The following SYNM variants were observed in gnomAD, a reference collection of about 807,000 sequenced individuals.
The protein encoded by SYNM is synemin, also known as desmuslin.
SYNM carries 95 observed loss-of-function variants against 104.0 expected under a neutral mutation model. The ratio of observed to expected loss-of-function variants is 0.91; its 90% confidence interval spans 0.77 to 1.08. The LOEUF (loss-of-function observed/expected upper bound fraction) is 1.08. Among genes scored for constraint, SYNM ranks in the 50% least tolerant of loss-of-function variants. The pLI, the probability that SYNM is intolerant of heterozygous loss-of-function variation, is 0.00. For missense variants in SYNM, 2,150 were observed against 2,052.2 expected (o/e 1.05, Z -0.92); for synonymous variants, 918 against 869.0 (o/e 1.06, Z -0.99).
At position 99,132,321 on chromosome 15, in the gene SYNM, A is replaced by T. The variant is rs782085231; in HGVS notation, c.3961A>T (p.Thr1321Ser). 5.6e-6 allele frequency: 9 copies of T among 1,612,778 alleles called. No individual in the cohort carries two copies. The highest frequency in any genetic ancestry group is 7.6e-6 in the Non-Finnish European group (9 of 1,178,860). The change falls in exon 4 of 4, where the codon ACC becomes TCC. Residue 1321 changes from threonine (T) to serine (S), a missense_variant. Coordinates refer to ENST00000336292, the MANE Select transcript of SYNM (RefSeq NM_145728.3). ...ISIGPQRHQT[T>S]QQIVYHGLVP... The stretch of plus-strand genomic sequence containing the variant: ...CATTGGGCCTCAGAGGCATCAGACC[A>T]CCCAGCAGATAGTTTACCATGGGCT...
Position 99,113,707 on chromosome 15 carries a change from G to A in SYNM, c.927G>A (p.Ala309=), listed in dbSNP as rs782394121. The A allele has an allele frequency of 1.4e-5, 22 of 1,613,296 alleles. No homozygotes were observed. The highest frequency in any genetic ancestry group is 1.6e-4 in the Middle Eastern group (1 of 6,076). ...AGACCGGCCTCAGTCTGGAGGTGGC[G>A]ACCTACCGGTAAGGAGACTGTGCTG... The part of the protein sequence containing the change: ...QVKTGLSLEV[A]TYRALLEGES... Residue 309 remains alanine, a synonymous_variant, in exon 2 of 4, where the codon GCG becomes GCA. Transcript: ENST00000336292.
chr15:99,105,217 G>A lies in SYNM; in HGVS notation c.18G>A (p.Leu6=). Reference sequence around the variant, plus strand: ...CCGGCAAGATGCTGTCCTGGCGGCTGCAGACGGGCCCCGAGAAGGCCGAGC... The same window carrying A: ...CCGGCAAGATGCTGTCCTGGCGGCTACAGACGGGCCCCGAGAAGGCCGAGC... MLSWR[L]QTGPEKAELQ... is the part of the protein sequence containing the mutation. Residue 6 remains leucine, a synonymous_variant, in exon 1 of 4, where the codon CTG becomes CTA. Coordinates refer to ENST00000336292, the MANE Select transcript of SYNM (RefSeq NM_145728.3). 1 of 1,573,556 alleles carries A rather than the reference G, an allele frequency of 6.4e-7. No homozygotes were observed. The highest frequency in any genetic ancestry group is 8.6e-7 in the Non-Finnish European group (1 of 1,161,536).
At chr15:99,108,043 C>T (rs111881700) in intron 1 of SYNM, among the ~76,000 whole-genome samples, 2 of 150,906 alleles carry the variant, frequency 1.3e-5, no homozygotes, top group African/African-American at 4.9e-5. Context: ...TGGCTGATCT[C>T]GGCACACCGC....
At chr15:99,123,917 A>C (rs144019044) in intron 2 of SYNM, among the ~76,000 whole-genome samples, 435 of 152,372 alleles carry the variant, frequency 2.9e-3, no homozygotes, top group African/African-American at 9.0e-3. Flanking sequence ...CCTGCTCAGG[A>C]CGCCGGGTGG....
At chr15:99,114,725 CT>C (rs1180360931) in intron 2 of SYNM, among the ~76,000 whole-genome samples, 1 of 151,986 alleles carries the variant, frequency 6.6e-6, no homozygotes, top group Non-Finnish European at 1.5e-5. Context: ...TCCAGTCCCC[CT>C]GGGTGTGGCC....
intron 1 of SYNM, among the ~76,000 whole-genome samples, chr15:99,110,771 A>G (rs1248333946): frequency 1.3e-5 from 2 of 152,212 alleles, no homozygotes; most frequent in Non-Finnish European, 2.9e-5. Context: ...AGTTCTCTAA[A>G]TAGCAAAAAG....
intron 1 of SYNM, 52 bp from the exon 2 acceptor site, chr15:99,113,539 G>A (rs1324684480): frequency 3.1e-6 from 5 of 1,605,924 alleles, no homozygotes; most frequent in South Asian, 2.2e-5. Flanking sequence ...CCTTCAGTTC[G>A]ACCCAGTAAA....
intron 2 of SYNM, among the ~76,000 whole-genome samples, chr15:99,124,005 A>G (rs1312104726): frequency 1.3e-5 from 2 of 152,234 alleles, no homozygotes; most frequent in Non-Finnish European, 1.5e-5. Flanking sequence ...GGGCTCCTTA[A>G]TGAGGCCAGG....
At chr15:99,126,369 T>A (rs1156933244) in intron 2 of SYNM, among the ~76,000 whole-genome samples, 1 of 152,210 alleles carries the variant, frequency 6.6e-6, no homozygotes, top group African/African-American at 2.4e-5. Flanking sequence ...GCCCCCTTGC[T>A]CCTGCTCCTC....
At position 99,130,730 on chromosome 15, in the gene SYNM, T is replaced by C; in HGVS notation, c.2370T>C (p.Tyr790=). 4 of 1,613,560 alleles carry C rather than the reference T, an allele frequency of 2.5e-6. No individual in the cohort carries two copies. The highest frequency in any genetic ancestry group is 1.3e-5 in the African/African-American group (1 of 74,928). ...PWGLVKEEEG[Y]GESDVTFSVN... Reference sequence around the variant, plus strand: ...GGTTGGTTAAGGAGGAGGAAGGTTATGGAGAAAGCGATGTCACATTCTCAG... The same window carrying C: ...GGTTGGTTAAGGAGGAGGAAGGTTACGGAGAAAGCGATGTCACATTCTCAG... Residue 790 remains tyrosine, a synonymous_variant, in exon 4 of 4, where the codon TAT becomes TAC. Coordinates refer to ENST00000336292, the MANE Select transcript of SYNM (RefSeq NM_145728.3).
In SYNM at chr15:99,130,228, G is replaced by A; in HGVS notation, c.1868G>A (p.Ser623Asn). Reference protein sequence around the residue: ...ARELRFRLGTSDATGSLQGDS... With the variant: ...ARELRFRLGTNDATGSLQGDS... ...GAGCTACGGTTCAGGTTGGGCACCA[G>A]TGATGCCACTGGTTCTCTGCAAGGC... The change falls in exon 4 of 4, where the codon AGT becomes AAT. Residue 623 changes from serine (S) to asparagine (N), a missense_variant. Transcript: ENST00000336292. The A allele has an allele frequency of 6.2e-7, 1 of 1,614,016 alleles. No homozygotes were observed. Among genetic ancestry groups the A allele is most frequent in the Non-Finnish European group, 8.5e-7 (1 of 1,179,906 alleles).
chr15:99,130,413 G>T lies in SYNM; in HGVS notation c.2053G>T (p.Glu685Ter). 1.2e-6 allele frequency: 2 copies of T among 1,613,820 alleles called. No individual in the cohort carries two copies. Among genetic ancestry groups the T allele is most frequent in the Non-Finnish European group, 1.7e-6 (2 of 1,179,860 alleles). The change falls in exon 4 of 4, where the codon GAA (glutamate) becomes TAA (stop). Residue 685 changes from glutamate to a stop codon, truncating the protein, a stop_gained. Transcript: ENST00000336292. LOFTEE classifies it high-confidence loss of function. Reference sequence around the variant, plus strand: ...TCCTGGGGAAAGGAAAACAAAGACTGAAATAGTTGTGGAGTCTAAACTGAC... The same window carrying T: ...TCCTGGGGAAAGGAAAACAAAGACTTAAATAGTTGTGGAGTCTAAACTGAC... Reference protein sequence around the residue: ...ELPGERKTKTEIVVESKLTED... With the variant: ...ELPGERKTKT
At chr15:99,116,082 G>A (rs1555483903) in intron 2 of SYNM, among the ~76,000 whole-genome samples, 1 of 152,242 alleles carries the variant, frequency 6.6e-6, no homozygotes, top group Non-Finnish European at 1.5e-5. Flanking sequence ...TGGTCCTGGG[G>A]CTAAGGCCAT....
chr15:99,108,229 C>A (rs2067268060), intron 1 of SYNM, among the ~76,000 whole-genome samples: 1 of 152,270 alleles, frequency 6.6e-6, no homozygotes. Context: ...CCGGCCGTGG[C>A]CTCCCACAGT....
Position 99,131,637 on chromosome 15 carries a change from C to G in SYNM, c.3277C>G (p.Arg1093Gly). The G allele has an allele frequency of 6.2e-7, 1 of 1,610,820 alleles. No individual in the cohort carries two copies. The highest frequency in any genetic ancestry group is 1.1e-5 in the South Asian group (1 of 90,916). The change falls in exon 4 of 4, where the codon CGC becomes GGC. Residue 1093 changes from arginine (R) to glycine (G), a missense_variant. Arg to Gly is a moderately radical substitution (Grantham distance 125, BLOSUM62 -2). Coordinates refer to ENST00000336292, the MANE Select transcript of SYNM (RefSeq NM_145728.3). This position sits in a 1 kb window ranked among gnomAD's most constrained non-coding sequence, Gnocchi z 4.3. ...AGGASHSSGQ[R>G]TPQGPVSATV... ...TGGGGCCTCTCACAGCTCGGGACAGCGCACTCCCCAGGGCCCAGTGTCGGC... is the reference window on the plus strand; with the variant it reads ...TGGGGCCTCTCACAGCTCGGGACAGGGCACTCCCCAGGGCCCAGTGTCGGC...
chr15:99,116,456 A>C lies in SYNM; in HGVS notation c.935+2741A>C, dbSNP rs1461002559. Among the ~76,000 whole-genome samples, 4 of 104,658 alleles carry C rather than the reference A, an allele frequency of 3.8e-5. 1 individual carries two copies. The highest frequency in any genetic ancestry group is 1.2e-4 in the African/African-American group (4 of 34,122). 68.7% of individuals were successfully genotyped at this position (104,658 alleles called of 152,430 possible). A position where few individuals can be genotyped will look rare whatever the true frequency, so the allele number is the denominator to read the frequency against. The stretch of plus-strand genomic sequence containing the variant: ...ATACCTGAAAGTCTTGTGCTGGTCT[A>C]CTCTGTGTTATGAAGGAATAACTGA... On this transcript the variant is annotated intron_variant, in intron 2 of 3. Transcript: ENST00000336292.
chr15:99,110,290 C>T (rs1327272504), intron 1 of SYNM, among the ~76,000 whole-genome samples: 6 of 152,296 alleles, frequency 3.9e-5, no homozygotes, highest in Middle Eastern at 3.4e-3. Flanking sequence ...GGTAGTTGAA[C>T]GAATGAACCA....
At chr15:99,121,952 A>G (rs1398564272) in intron 2 of SYNM, among the ~76,000 whole-genome samples, 1 of 152,214 alleles carries the variant, frequency 6.6e-6, no homozygotes, top group Non-Finnish European at 1.5e-5. Flanking sequence ...TTGGGGATGA[A>G]AGATATGATA....
chr15:99,105,558 T>A lies in SYNM; in HGVS notation c.359T>A (p.Leu120Gln). 1 of 1,186,738 alleles carries A rather than the reference T, an allele frequency of 8.4e-7. No homozygotes were observed. Among genetic ancestry groups the A allele is most frequent in the Non-Finnish European group, 1.0e-6 (1 of 961,890 alleles). The allele number at this position is 1,186,738 out of a possible 1,614,324, so 73.5% of individuals were successfully genotyped here. A position where few individuals can be genotyped will look rare whatever the true frequency, so the allele number is the denominator to read the frequency against. ...GAGCTGGGTGCGCAGCAGCGCGAGCTGCAGGAGGCGCTGGGCGCGCGCGCC... is the reference window on the plus strand; with the variant it reads ...GAGCTGGGTGCGCAGCAGCGCGAGCAGCAGGAGGCGCTGGGCGCGCGCGCC... The part of the protein sequence containing the change: ...DAELGAQQRE[L>Q]QEALGARAAL... The change falls in exon 1 of 4, where the codon CTG becomes CAG. Residue 120 changes from leucine (L) to glutamine (Q), a missense_variant. Coordinates refer to ENST00000336292, the MANE Select transcript of SYNM (RefSeq NM_145728.3).
Sources: gnomAD v4.1 joint callset for allele counts (sites outside exome capture counted in the v4.1 genomes callset) on GRCh38, gnomAD v4.1.1 for gene constraint, Gnocchi (gnomAD v3.1) non-coding constraint, MANE v1.5 for transcripts, NCBI Gene and HGNC (gene_info 2026-07-23, HGNC 2026-07-21) for gene names.